DHFR2: variants seen among roughly 807,000 people sequenced by gnomAD.
DHFR2 encodes dihydrofolate reductase 2, mitochondrial.
Under a neutral mutation model 12.0 loss-of-function variants are expected in DHFR2, and 11 were observed. That is an observed-to-expected ratio of 0.92 (90% CI 0.58 to 1.52). The LOEUF (loss-of-function observed/expected upper bound fraction) is 1.52. DHFR2 is among the 40% of genes most tolerant of loss of function. DHFR2 has a pLI of 0.00. For missense variants in DHFR2, 188 were observed against 221.2 expected (o/e 0.85, Z 0.95); for synonymous variants, 87 against 79.6 (o/e 1.09, Z -0.49).
In DHFR2 at chr3:94,060,772, C is replaced by T; in HGVS notation, c.*176G>A. The T allele has an allele frequency of 2.7e-6, 2 of 754,390 alleles. No homozygotes were observed. The highest frequency in any genetic ancestry group is 3.8e-5 in the South Asian group (2 of 51,980). The allele number at this position is 754,390 out of a possible 1,614,324, so 46.7% of individuals were successfully genotyped here. A position where few individuals can be genotyped will look rare whatever the true frequency, so the allele number is the denominator to read the frequency against. On this transcript the variant is annotated 3_prime_UTR_variant, in exon 2 of 2. Transcript: ENST00000314636. ...CGGGGTCTTGGAGAGACAGTTATAG[C>T]AAGAATGTTTCATAAATGGTATCTG... is the stretch of plus-strand genomic sequence containing the variant.
chr3:94,061,560 A>C lies in DHFR2; in HGVS notation c.-49T>G, dbSNP rs759264743. 6.2e-7 allele frequency: 1 copy of C among 1,606,216 alleles called. No individual in the cohort carries two copies. The highest frequency in any genetic ancestry group is 1.1e-5 in the South Asian group (1 of 90,380). On this transcript the variant is annotated 5_prime_UTR_variant, in exon 2 of 2. Coordinates refer to ENST00000314636, the MANE Select transcript of DHFR2 (RefSeq NM_176815.5). ...AACTTGCTGGCTACGCCAGGAAGCC[A>C]GGCCAAGAATGCCGCGAAATTCCCT...
rs2077181632 is a variant in DHFR2, at chr3:94,062,562, C to T, written c.-96+184G>A. Among the ~76,000 whole-genome samples, 4 of 152,226 alleles carry T rather than the reference C, an allele frequency of 2.6e-5. No individual in the cohort carries two copies. In the South Asian group the frequency reaches 8.3e-4, roughly 31 times the overall value. ...TTTGAGAATATTTTAAATCAGTCAT[C>T]ATACAACATAACCCCAAAACTCATT... On this transcript the variant is annotated intron_variant, in intron 1 of 1. Transcript: ENST00000314636.
chr3:94,063,252 C>T, upstream of DHFR2: 1 of 1,045,068 alleles, frequency 9.6e-7, no homozygotes, highest in Non-Finnish European at 1.5e-6. Flanking sequence ...TTCGTCCCCT[C>T]GCGAGATCAG....
rs869127858 is a variant in DHFR2, at chr3:94,058,722, G to GT, written c.*2225dup. On this transcript the variant is annotated 3_prime_UTR_variant, in exon 2 of 2. Coordinates refer to ENST00000314636, the MANE Select transcript of DHFR2 (RefSeq NM_176815.5). ...ATTGCCTAACCAACCCTTCCCCCTT[G>GT]TTTTTTTTTGTTTTTTTTTTTTTTT... 2,996 of 134,886 alleles carry GT rather than the reference G, an allele frequency of 0.022. 96 individuals carry two copies. Among genetic ancestry groups the GT allele is most frequent in the African/African-American group, 0.076 (2,696 of 35,246 alleles). The allele number at this position is 134,886 out of a possible 1,614,324, so 8.4% of individuals were successfully genotyped here.
At chr3:94,062,116 C>G (rs776043634) in intron 1 of DHFR2, among the ~76,000 whole-genome samples, 1 of 152,034 alleles carries the variant, frequency 6.6e-6, no homozygotes, top group Non-Finnish European at 1.5e-5. Flanking sequence ...AGCATGACAC[C>G]AAAAGAGCAA....
At position 94,061,182 on chromosome 3, in the gene DHFR2, T is replaced by C. The variant is rs1389015701; in HGVS notation, c.330A>G (p.Val110=). ...TGCCACCAACTATCCAAATCATGTC[T>C]ACTTTATTTGCTAATTCTGGTCGTT... ...LTERPELANK[V]DMIWIVGGSS... is the part of the protein sequence containing the mutation. Residue 110 remains valine (V), a synonymous_variant, in exon 2 of 2, where the codon GTA becomes GTG. Transcript: ENST00000314636. 1 of 1,614,028 alleles carries C rather than the reference T, an allele frequency of 6.2e-7. No homozygotes were observed. The highest frequency in any genetic ancestry group is 8.5e-7 in the Non-Finnish European group (1 of 1,179,878).
At position 94,060,852 on chromosome 3, in the gene DHFR2, T is replaced by A; in HGVS notation, c.*96A>T. 4 of 1,329,454 alleles carry A rather than the reference T, an allele frequency of 3.0e-6. No homozygotes were observed. The highest frequency in any genetic ancestry group is 4.1e-6 in the Non-Finnish European group (4 of 967,022). 82.4% of individuals were successfully genotyped at this position (1,329,454 alleles called of 1,614,324 possible). A position where few individuals can be genotyped will look rare whatever the true frequency, so the allele number is the denominator to read the frequency against. ...CACGTTGCTTAGAAATAATTATCCA[T>A]AGATCTGAAGTCAACAAAAGTCCCT... On this transcript the variant is annotated 3_prime_UTR_variant, in exon 2 of 2. Coordinates refer to ENST00000314636, the MANE Select transcript of DHFR2 (RefSeq NM_176815.5).
Position 94,058,742 on chromosome 3 carries a change from T to TC in DHFR2, c.*2205_*2206insG, listed in dbSNP as rs1187739333. ...CCCTTGTTTTTTTTTGTTTTTTTTT[T>TC]TTTTTACTTTTGCTTTATCTTCAAT... On this transcript the variant is annotated 3_prime_UTR_variant, in exon 2 of 2. Transcript: ENST00000314636. 1 of 158,766 alleles carries TC rather than the reference T, an allele frequency of 6.3e-6. No individual in the cohort carries two copies. Among genetic ancestry groups the TC allele is most frequent in the Non-Finnish European group, 1.4e-5 (1 of 72,898 alleles). The allele number at this position is 158,766 out of a possible 1,614,324, so 9.8% of individuals were successfully genotyped here.
In DHFR2 at chr3:94,061,368, C is replaced by G. The variant is rs749752316; in HGVS notation, c.144G>C (p.Gln48His). ...TCTTCCTACCCATAATCACCAGATT[C>G]TGTTTACCCTCTACTGAAGAAGTTG... ...MTTTSSVEGKQNLVIMGRKTW... is the reference protein window; with the variant it reads ...MTTTSSVEGKHNLVIMGRKTW... The change falls in exon 2 of 2, where the codon CAG becomes CAC. Residue 48 changes from glutamine to histidine, a missense_variant. Gln to His is a conservative substitution (Grantham distance 24, BLOSUM62 0). Coordinates refer to ENST00000314636, the MANE Select transcript of DHFR2 (RefSeq NM_176815.5). The G allele has an allele frequency of 6.2e-7, 1 of 1,614,184 alleles. No individual in the cohort carries two copies. The highest frequency in any genetic ancestry group is 8.5e-7 in the Non-Finnish European group (1 of 1,180,036).
upstream of DHFR2, chr3:94,063,120 CG>C (rs760255610): frequency 1.9e-5 from 30 of 1,613,826 alleles, no homozygotes; most frequent in Non-Finnish European, 3.4e-6. Context: ...AAGCTCTCAG[CG>C]GGACAATGCT....
chr3:94,063,039 C>T, upstream of DHFR2: 1 of 1,460,028 alleles, frequency 6.8e-7, no homozygotes, highest in Admixed American at 1.7e-5. Context: ...CCGCGAATCC[C>T]GGAAGTCAGA....
rs2077158325 is a variant in DHFR2, at chr3:94,058,862, G to A, written c.*2086C>T. The stretch of plus-strand genomic sequence containing the variant: ...TGGCCAGGCTGCTCTGAACTCTTGG[G>A]CTCAAGCCATCCTTTTGCTTAGCCT... On this transcript the variant is annotated 3_prime_UTR_variant, in exon 2 of 2. Coordinates refer to ENST00000314636, the MANE Select transcript of DHFR2 (RefSeq NM_176815.5). 6.4e-6 allele frequency: 1 copy of A among 155,622 alleles called. No homozygotes were observed. Among genetic ancestry groups the A allele is most frequent in the African/African-American group, 2.4e-5 (1 of 41,528 alleles). The allele number at this position is 155,622 out of a possible 1,614,324, so 9.6% of individuals were successfully genotyped here. A position where few individuals can be genotyped will look rare whatever the true frequency, so the allele number is the denominator to read the frequency against.
rs1354966230 is a variant in DHFR2, at chr3:94,060,133, G to C, written c.*815C>G. The C allele has an allele frequency of 6.6e-6, 1 of 151,940 alleles. No individual in the cohort carries two copies. Among genetic ancestry groups the C allele is most frequent in the Non-Finnish European group, 1.5e-5 (1 of 68,042 alleles). 9.4% of individuals were successfully genotyped at this position (151,940 alleles called of 1,614,324 possible). A position where few individuals can be genotyped will look rare whatever the true frequency, so the allele number is the denominator to read the frequency against. ...TTGCTTTAAGTGTTTGGCATTCACC[G>C]TTCCCGTACATTACAGCAGCTTCTT... On this transcript the variant is annotated 3_prime_UTR_variant, in exon 2 of 2. Coordinates refer to ENST00000314636, the MANE Select transcript of DHFR2 (RefSeq NM_176815.5).
chr3:94,062,060 C>A (rs1168348908), intron 1 of DHFR2, among the ~76,000 whole-genome samples: 1 of 152,082 alleles, frequency 6.6e-6, no homozygotes, highest in South Asian at 2.1e-4. Context: ...CATATCAAAC[C>A]GGTTTTTTCT....
upstream of DHFR2, chr3:94,062,965 T>G (rs781504817): frequency 4.1e-6 from 3 of 736,754 alleles, no homozygotes; most frequent in Non-Finnish European, 6.9e-6. Flanking sequence ...AAGAATTCTA[T>G]AGCGCGAGCA....
Position 94,058,731 on chromosome 3 carries a change from T to C in DHFR2, c.*2217A>G, listed in dbSNP as rs1416914610. ...CCAACCCTTCCCCCTTGTTTTTTTTTGTTTTTTTTTTTTTTTACTTTTGCT... is the reference window on the plus strand; with the variant it reads ...CCAACCCTTCCCCCTTGTTTTTTTTCGTTTTTTTTTTTTTTTACTTTTGCT... On this transcript the variant is annotated 3_prime_UTR_variant, in exon 2 of 2. Transcript: ENST00000314636. The C allele has an allele frequency of 6.4e-6, 1 of 156,432 alleles. No homozygotes were observed. The highest frequency in any genetic ancestry group is 1.4e-5 in the Non-Finnish European group (1 of 72,412). The allele number at this position is 156,432 out of a possible 1,614,324, so 9.7% of individuals were successfully genotyped here.
At position 94,060,782 on chromosome 3, in the gene DHFR2, TC is replaced by T; in HGVS notation, c.*165del. ...GAGAGACAGTTATAGCAAGAATGTTTCATAAATGGTATCTGATATAGCCAAG... is the reference window on the plus strand; with the variant it reads ...GAGAGACAGTTATAGCAAGAATGTTTATAAATGGTATCTGATATAGCCAAG... On this transcript the variant is annotated 3_prime_UTR_variant, in exon 2 of 2. Transcript: ENST00000314636. 1.3e-6 allele frequency: 1 copy of T among 791,116 alleles called. No individual in the cohort carries two copies. The highest frequency in any genetic ancestry group is 2.0e-6 in the Non-Finnish European group (1 of 510,144). The allele number at this position is 791,116 out of a possible 1,614,324, so 49.0% of individuals were successfully genotyped here. A position where few individuals can be genotyped will look rare whatever the true frequency, so the allele number is the denominator to read the frequency against.
At position 94,061,280 on chromosome 3, in the gene DHFR2, T is replaced by G. The variant is rs372488392; in HGVS notation, c.232A>C (p.Arg78=). Residue 78 remains arginine (R), a synonymous_variant, in exon 2 of 2, where the codon AGA becomes CGA. Transcript: ENST00000314636. The part of the protein sequence containing the change: ...LKDRINLVLS[R]ELKEPPQGAH... ...CCTTGTGGAGGTTCCTTGAGTTCTC[T>G]GCTGAGAACTAAATTAATTCTATCC... 4.3e-6 allele frequency: 7 copies of G among 1,613,904 alleles called. No individual in the cohort carries two copies. In the African/African-American group the frequency reaches 9.3e-5, roughly 22 times the overall value.
rs748530610 is a variant in DHFR2, at chr3:94,061,386, A to G, written c.126T>C (p.Ser42=). 10 of 1,614,076 alleles carry G rather than the reference A, an allele frequency of 6.2e-6. No individual in the cohort carries two copies. The South Asian group carries it at 1.1e-4, about 18-fold the overall frequency. ...CCAGATTCTGTTTACCCTCTACTGA[A>G]GAAGTTGTGGTCATTCTCTGGAAAT... The part of the protein sequence containing the change: ...FRYFQRMTTT[S]SVEGKQNLVI... The change falls in exon 2 of 2, where the codon TCT becomes TCC. Residue 42 remains serine (S), a synonymous_variant. Transcript: ENST00000314636.
Sources: allele counts gnomAD v4.1 joint callset (sites outside exome capture counted in the v4.1 genomes callset), GRCh38; gene constraint gnomAD v4.1.1; transcripts MANE v1.5; gene names NCBI Gene and HGNC (gene_info 2026-07-23, HGNC 2026-07-21).